The following TIAM1 variants were observed in gnomAD, a reference collection of about 807,000 sequenced individuals.
TIAM1 encodes the protein TIAM Rac1 associated GEF 1.
A neutral mutation model predicts 163.5 loss-of-function variants in TIAM1; 65 were observed. The ratio of observed to expected loss-of-function variants is 0.40; its 90% CI spans 0.33 to 0.49. TIAM1 has a LOEUF of 0.49. Among genes scored for constraint, TIAM1 ranks in the 20% least tolerant of loss-of-function variants. TIAM1 has a pLI of 0.77. For synonymous variants in TIAM1, 833 were observed against 810.1 expected, an observed-to-expected ratio of 1.03 and a Z score of -0.48; for missense variants, 1,789 against 2,044.7, an observed-to-expected ratio of 0.87 and a Z score of 2.41.
intron 2 of TIAM1, among the ~76,000 whole-genome samples, chr21:31,355,528 A>ATTATTTAT (rs56133305): frequency 0.047 from 6,796 of 144,680 alleles, 189 homozygotes; most frequent in Non-Finnish European, 0.053. Context: ...TCTCTCCTTT[A>ATTATTTAT]TTATTTATTT....
intron 15 of TIAM1, among the ~76,000 whole-genome samples, chr21:31,169,684 G>A (rs575127746): frequency 2.4e-4 from 36 of 151,530 alleles, no homozygotes; most frequent in South Asian, 6.2e-4. Flanking sequence ...GTATACAAGC[G>A]AAAATGATAA....
intron 16 of TIAM1, among the ~76,000 whole-genome samples, chr21:31,154,800 C>T (rs2083542937): frequency 6.6e-6 from 1 of 152,132 alleles, no homozygotes; most frequent in South Asian, 2.1e-4. Context: ...GGATCTTAAC[C>T]ACTCCCCAAG....
intron 15 of TIAM1, among the ~76,000 whole-genome samples, chr21:31,174,908 C>T (rs1269186749): frequency 5.9e-5 from 9 of 152,122 alleles, no homozygotes; most frequent in African/African-American, 1.4e-4. Flanking sequence ...AGCCTCCCAA[C>T]GTGCTGGGAT....
intron 2 of TIAM1, among the ~76,000 whole-genome samples, chr21:31,280,486 C>T (rs936887251): frequency 3.9e-5 from 6 of 152,124 alleles, no homozygotes; most frequent in African/African-American, 1.4e-4. Context: ...TTGTAAATTG[C>T]CCAGTCTGGG....
At chr21:31,207,723 G>GTCT (rs1478717771) in intron 11 of TIAM1, among the ~76,000 whole-genome samples, 3 of 152,264 alleles carry the variant, frequency 2.0e-5, no homozygotes, top group Admixed American at 6.5e-5. Flanking sequence ...GCACACACAA[G>GTCT]TCTTCCAGTT....
intron 2 of TIAM1, among the ~76,000 whole-genome samples, chr21:31,304,939 C>T (rs924538084): frequency 2.6e-5 from 4 of 152,162 alleles, no homozygotes; most frequent in South Asian, 2.1e-4. Context: ...AAGATCCACC[C>T]GCCTCGGCCT....
In TIAM1 at chr21:31,143,035, C is replaced by T. The variant is rs189484354; in HGVS notation, c.3476-1531G>A. 3.0e-3 allele frequency among the ~76,000 whole-genome samples: 456 copies of T among 152,252 alleles called. 1 individual carries two copies. The highest frequency in any genetic ancestry group is 0.01 in the African/African-American group (435 of 41,542). On this transcript the variant is annotated intron_variant, in intron 20 of 27. Transcript: ENST00000541036. ...TCCAAGCAACGTAACAGTGGACACA[C>T]GCTGCCTCTGGGCTGGTGAGCACCT...
intron 2 of TIAM1, among the ~76,000 whole-genome samples, chr21:31,461,009 C>A (rs1217141949): frequency 6.6e-6 from 1 of 152,006 alleles, no homozygotes; most frequent in Non-Finnish European, 1.5e-5. Flanking sequence ...AGATGAATTC[C>A]ATTTAGGGGG....
At chr21:31,500,494 G>A (rs2046815026) in intron 1 of TIAM1, among the ~76,000 whole-genome samples, 1 of 152,172 alleles carries the variant, frequency 6.6e-6, no homozygotes, top group Non-Finnish European at 1.5e-5. Context: ...GGGTCTCCCA[G>A]AAAGATATGT....
chr21:31,168,869 C>T (rs565934825), intron 15 of TIAM1, among the ~76,000 whole-genome samples: 106 of 152,284 alleles, frequency 7.0e-4, no homozygotes, highest in African/African-American at 2.4e-3. Context: ...TTATAAAACA[C>T]AAGAGGCAAC....
At chr21:31,246,701 G>C (rs985533250) in intron 5 of TIAM1, among the ~76,000 whole-genome samples, 13 of 152,160 alleles carry the variant, frequency 8.5e-5, no homozygotes, top group Admixed American at 6.5e-5. Flanking sequence ...TCAATGGAAA[G>C]GTCACACTGG....
intron 15 of TIAM1, among the ~76,000 whole-genome samples, chr21:31,180,536 T>C (rs1043081454): frequency 2.0e-5 from 3 of 152,084 alleles, no homozygotes; most frequent in African/African-American, 7.2e-5. Flanking sequence ...TTTTTTTATA[T>C]CTGTAACCCA....
chr21:31,310,609 C>T (rs1224835682), intron 2 of TIAM1, among the ~76,000 whole-genome samples: 2 of 152,132 alleles, frequency 1.3e-5, no homozygotes, highest in African/African-American at 4.8e-5. Context: ...GACTTACAAC[C>T]GGGACACACC....
intron 2 of TIAM1, among the ~76,000 whole-genome samples, chr21:31,423,855 G>A (rs1008841127): frequency 8.9e-6 from 1 of 112,956 alleles, no homozygotes; most frequent in Non-Finnish European, 1.7e-5. Flanking sequence ...AATGATTATC[G>A]GGGGGGGCGG....
rs200443143 is a variant in TIAM1, at chr21:31,124,507, G to A, written c.4306+15C>T. On this transcript the variant is annotated intron_variant, in intron 27 of 27. Coordinates refer to ENST00000541036, the MANE Select transcript of TIAM1 (RefSeq NM_001353694.2). ...GGGGTGACGGGAATCTTGAACGTCC[G>A]AATCCCCACAGTACCTGCCCTGCTC... is the stretch of plus-strand genomic sequence containing the variant. 2.2e-5 allele frequency: 36 copies of A among 1,611,666 alleles called. No individual in the cohort carries two copies. In the African/African-American group the frequency reaches 2.7e-4, roughly 12 times the overall value.
At chr21:31,465,595 G>T (rs1466970621) in intron 1 of TIAM1, among the ~76,000 whole-genome samples, 1 of 150,946 alleles carries the variant, frequency 6.6e-6, no homozygotes, top group Admixed American at 6.6e-5. Flanking sequence ...TTTTGAGACG[G>T]AGTCTCGCCC....
intron 2 of TIAM1, among the ~76,000 whole-genome samples, chr21:31,456,130 G>A (rs1453067086): frequency 6.6e-6 from 1 of 152,218 alleles, no homozygotes; most frequent in Non-Finnish European, 1.5e-5. Context: ...CCAGAAGGGG[G>A]TTGTTGGAAA....
At chr21:31,187,223 T>C (rs1282803083) in intron 13 of TIAM1, 136 bp from the exon 14 acceptor site, 2 of 764,840 alleles carry the variant, frequency 2.6e-6, no homozygotes, top group African/African-American at 1.7e-5. Flanking sequence ...TTTCTTGTTT[T>C]ACATAGCAGA....
intron 1 of TIAM1, among the ~76,000 whole-genome samples, chr21:31,513,155 A>G (rs76685475): frequency 0.061 from 9,350 of 152,250 alleles, 744 homozygotes; most frequent in African/African-American, 0.18. Context: ...ATTTTCACAC[A>G]TGCCATATAT....
Sources: gnomAD v4.1 joint callset for allele counts (sites outside exome capture counted in the v4.1 genomes callset) on GRCh38, gnomAD v4.1.1 for gene constraint, MANE v1.5 for transcripts, NCBI Gene and HGNC (gene_info 2026-07-23, HGNC 2026-07-21) for gene names.